TBC1D32: variants seen among roughly 807,000 people sequenced by gnomAD.
TBC1D32 encodes the protein protein broad-minded.
TBC1D32 carries 151 observed loss-of-function variants against 170.3 expected under a neutral mutation model. The ratio of observed to expected loss-of-function variants is 0.89; its 90% CI spans 0.78 to 1.01. The LOEUF is 1.01. TBC1D32 is among the 50% of genes least tolerant of loss of function. The pLI is 0.00. For synonymous variants in TBC1D32, 498 were observed against 488.0 expected (o/e 1.02, Z -0.27); for missense variants, 1,464 against 1,457.1 (o/e 1.00, Z -0.08).
At chr6:121,266,633 T>G (rs1344447786) in intron 15 of TBC1D32, among the ~76,000 whole-genome samples, 2 of 152,152 alleles carry the variant, frequency 1.3e-5, no homozygotes, top group Non-Finnish European at 2.9e-5. Context: ...TGCAGCACTA[T>G]TCACAATAGC....
rs532324040 is a variant in TBC1D32 at position 121,308,747 on chromosome 6, C to G, written c.565-646G>C. ...TCTGTCGCCCAGGCCAGACTGCGGA[C>G]TGCAGTGGCGCAATCTCGGCTCGCT... On this transcript the variant is annotated intron_variant, in intron 4 of 31. Coordinates refer to ENST00000398212, the MANE Select transcript of TBC1D32 (RefSeq NM_152730.6). Among the ~76,000 whole-genome samples, 1,294 of 130,772 alleles carry G rather than the reference C, an allele frequency of 9.9e-3. 8 individuals are homozygous for G. The highest frequency in any genetic ancestry group is 0.062 in the Middle Eastern group (13 of 210). 85.8% of individuals were successfully genotyped at this position (130,772 alleles called of 152,430 possible).
intron 24 of TBC1D32, among the ~76,000 whole-genome samples, chr6:121,142,379 T>A (rs1008124905): frequency 2.0e-5 from 3 of 152,220 alleles, no homozygotes; most frequent in Non-Finnish European, 4.4e-5. Context: ...ATATAAAAAA[T>A]GACCAGAAAA....
intron 22 of TBC1D32, among the ~76,000 whole-genome samples, chr6:121,187,649 A>C (rs1371469590): frequency 6.6e-6 from 1 of 151,830 alleles, no homozygotes; most frequent in Non-Finnish European, 1.5e-5. Context: ...GTAAACCAAG[A>C]TAGGTAATTG....
At chr6:121,209,262 G>A (rs1048303254) in intron 21 of TBC1D32, among the ~76,000 whole-genome samples, 1 of 152,042 alleles carries the variant, frequency 6.6e-6, no homozygotes, top group Non-Finnish European at 1.5e-5. Flanking sequence ...CACAATCTAT[G>A]CCATAAGCCC....
rs1418970351 is a variant in TBC1D32 at position 121,149,047 on chromosome 6, A to G, written c.2773+10963T>C. The stretch of plus-strand genomic sequence containing the variant: ...TTTTTTTCATGTTTATTGGCTGCAT[A>G]AATGTCTTCTTTTGAAAACTGTCTG... On this transcript the variant is annotated intron_variant, in intron 24 of 31. Transcript: ENST00000398212. 2.6e-5 allele frequency among the ~76,000 whole-genome samples: 4 copies of G among 152,122 alleles called. 1 individual carries two copies. The highest frequency in any genetic ancestry group is 2.6e-4 in the Admixed American group (4 of 15,274).
At chr6:121,172,970 G>A (rs4476866) in intron 22 of TBC1D32, among the ~76,000 whole-genome samples, 106,384 of 151,988 alleles carry the variant, frequency 0.7, 41,673 homozygotes, top group Non-Finnish European at 0.87. Flanking sequence ...TCACACTGAC[G>A]AAGGGTGGAC....
intron 30 of TBC1D32, among the ~76,000 whole-genome samples, chr6:121,096,801 A>T (rs574509491): frequency 5.3e-5 from 8 of 152,184 alleles, no homozygotes; most frequent in Non-Finnish European, 1.0e-4. Context: ...AAACTATACT[A>T]CAAGGCTACA....
intron 15 of TBC1D32, among the ~76,000 whole-genome samples, chr6:121,269,708 T>G (rs1038787389): frequency 1.3e-5 from 2 of 151,816 alleles, no homozygotes; most frequent in Non-Finnish European, 2.9e-5. Context: ...ATCAAAGAGA[T>G]AGAAAGTTAA....
In TBC1D32 at chr6:121,080,503, C is replaced by G. The variant is rs562651911; in HGVS notation, c.*268G>C. 1.0e-5 allele frequency: 3 copies of G among 293,420 alleles called. No homozygotes were observed. Among genetic ancestry groups the G allele is most frequent in the Non-Finnish European group, 1.9e-5 (3 of 158,020 alleles). The allele number at this position is 293,420 out of a possible 1,614,324, so 18.2% of individuals were successfully genotyped here. On this transcript the variant is annotated 3_prime_UTR_variant, in exon 32 of 32. Transcript: ENST00000398212. ...TGCTGGGATTACAGGCATGAGCCAC[C>G]GCGCCTGGCCAGGACTAACTCTTAA...
At chr6:121,272,806 A>T (rs1270328760) in intron 15 of TBC1D32, among the ~76,000 whole-genome samples, 1 of 152,248 alleles carries the variant, frequency 6.6e-6, no homozygotes, top group Non-Finnish European at 1.5e-5. Context: ...AGACACATGC[A>T]CACGTATGTT....
chr6:121,266,852 G>C (rs890931564), intron 15 of TBC1D32, among the ~76,000 whole-genome samples: 2 of 151,922 alleles, frequency 1.3e-5, no homozygotes, highest in African/African-American at 4.8e-5. Flanking sequence ...ATAAGTGGGA[G>C]ATGAAAAATG....
At chr6:121,096,118 T>C (rs1024447363) in intron 30 of TBC1D32, 3 of 152,208 alleles carry the variant, frequency 2.0e-5, no homozygotes, top group African/African-American at 4.8e-5. Flanking sequence ...GAACTTATTA[T>C]TGATCTATTC....
chr6:121,322,976 A>G (rs1809955446), intron 1 of TBC1D32, among the ~76,000 whole-genome samples: 1 of 151,986 alleles, frequency 6.6e-6, no homozygotes, highest in Non-Finnish European at 1.5e-5. Context: ...ATTCGCCTAT[A>G]AGAAAAAGAG....
chr6:121,238,325 C>T (rs934351489), intron 20 of TBC1D32, among the ~76,000 whole-genome samples: 1 of 152,080 alleles, frequency 6.6e-6, no homozygotes, highest in Non-Finnish European at 1.5e-5. Context: ...CCTCTATTTT[C>T]TGCCTATTTT....
chr6:121,275,197 T>C (rs1345062647), intron 15 of TBC1D32, among the ~76,000 whole-genome samples: 1 of 152,186 alleles, frequency 6.6e-6, no homozygotes, highest in Non-Finnish European at 1.5e-5. Flanking sequence ...TAAATTGTTG[T>C]AATGTAAGTC....
chr6:121,142,688 A>C (rs1049117204), intron 24 of TBC1D32, among the ~76,000 whole-genome samples: 1 of 152,118 alleles, frequency 6.6e-6, no homozygotes, highest in African/African-American at 2.4e-5. Context: ...GCTATTTTTA[A>C]TTTTCTATAT....
chr6:121,320,893 T>C (rs985727392), intron 2 of TBC1D32, among the ~76,000 whole-genome samples: 1 of 152,128 alleles, frequency 6.6e-6, no homozygotes, highest in African/African-American at 2.4e-5. Flanking sequence ...TCAAATGACA[T>C]CATGTAATTC....
intron 20 of TBC1D32, among the ~76,000 whole-genome samples, chr6:121,229,488 C>T (rs1795470774): frequency 6.6e-6 from 1 of 152,076 alleles, no homozygotes; most frequent in South Asian, 2.1e-4. Flanking sequence ...TGGATATATG[C>T]AGTTTCCATA....
At chr6:121,172,947 G>C (rs1787264268) in intron 22 of TBC1D32, among the ~76,000 whole-genome samples, 1 of 152,120 alleles carries the variant, frequency 6.6e-6, no homozygotes, top group Admixed American at 6.5e-5. Flanking sequence ...TATGATTTCA[G>C]ATGTTTATGA....
Sources: allele counts gnomAD v4.1 joint callset (sites outside exome capture counted in the v4.1 genomes callset), GRCh38; gene constraint gnomAD v4.1.1; transcripts MANE v1.5; gene names NCBI Gene and HGNC (gene_info 2026-07-23, HGNC 2026-07-21).